The following CSRNP3 variants were observed in gnomAD, a reference collection of about 807,000 sequenced individuals.
CSRNP3 encodes the protein cysteine and serine rich nuclear protein 3.
A neutral mutation model predicts 48.0 loss-of-function variants in CSRNP3; 12 were observed. The ratio of observed to expected loss-of-function variants is 0.25; its 90% CI spans 0.16 to 0.41. The LOEUF is 0.41. Ranked by LOEUF, CSRNP3 falls within the 10% of genes least tolerant of loss-of-function variation. The pLI, the probability that CSRNP3 is intolerant of heterozygous loss-of-function variation, is 1.00. For missense variants in CSRNP3, 580 were observed against 724.4 expected, an observed-to-expected ratio of 0.80 and a Z score of 2.29; for synonymous variants, 263 against 269.7, an observed-to-expected ratio of 0.98 and a Z score of 0.24.
rs763933992 is a variant in CSRNP3 at position 165,657,836 on chromosome 2, T to A, written c.224T>A (p.Phe75Tyr). 6.2e-7 allele frequency: 1 copy of A among 1,614,046 alleles called. No homozygotes were observed. Reference protein sequence around the residue: ...VHFSCVTVYYFTRRQGFTSVP... With the variant: ...VHFSCVTVYYYTRRQGFTSVP... ...TTTAGTTGTGTCACCGTGTACTACT[T>A]CACCAGGAGGCAAGGCTTCACAAGT... The change falls in exon 5 of 7, where the codon TTC becomes TAC. Residue 75 changes from phenylalanine (F) to tyrosine (Y), a missense_variant. By Grantham distance (22) the Phe-to-Tyr change is conservative. This residue lies in a region of CSRNP3 where 83 missense variants were observed against 139.6 expected (regional missense o/e 0.59). Coordinates refer to ENST00000651982, the MANE Select transcript of CSRNP3 (RefSeq NM_001172173.2).
chr2:165,595,293 C>A, intron 4 of CSRNP3, 80 bp downstream of exon 4: 1 of 1,314,398 alleles, frequency 7.6e-7, no homozygotes. Context: ...TTTTACCTTT[C>A]ATGCTAGCTA....
intron 4 of CSRNP3, among the ~76,000 whole-genome samples, chr2:165,602,311 G>C (rs551443255): frequency 6.6e-6 from 1 of 152,256 alleles, no homozygotes; most frequent in East Asian, 1.9e-4. Flanking sequence ...AAGCAGCATA[G>C]ATAAAGGTGC....
chr2:165,629,636 T>C (rs534367222), intron 4 of CSRNP3, among the ~76,000 whole-genome samples: 1 of 152,214 alleles, frequency 6.6e-6, no homozygotes, highest in Admixed American at 6.5e-5. Context: ...AGAGGCAGAG[T>C]GAAATGTTTT....
chr2:165,646,511 A>C (rs1396347062), intron 4 of CSRNP3, among the ~76,000 whole-genome samples: 6 of 152,182 alleles, frequency 3.9e-5, no homozygotes, highest in Non-Finnish European at 8.8e-5. Flanking sequence ...GGTGGTATTG[A>C]GAAAATGTAA....
rs570448867 is a variant in CSRNP3, at chr2:165,660,358, T to C, written c.408+2338T>C. On this transcript the variant is annotated intron_variant, in intron 5 of 6. Coordinates refer to ENST00000651982, the MANE Select transcript of CSRNP3 (RefSeq NM_001172173.2). Reference sequence around the variant, plus strand: ...ATAAAAGAAGCACAGAGATGTTAAGTTGGCTCATCCAAATAGAAAATGGAT... The same window carrying C: ...ATAAAAGAAGCACAGAGATGTTAAGCTGGCTCATCCAAATAGAAAATGGAT... Among the ~76,000 whole-genome samples, 3 of 149,346 alleles carry C rather than the reference T, an allele frequency of 2.0e-5. No homozygotes were observed. The South Asian group carries it at 6.6e-4, about 33-fold the overall frequency.
At chr2:165,581,667 G>T (rs1040309537) in intron 3 of CSRNP3, among the ~76,000 whole-genome samples, 1 of 151,908 alleles carries the variant, frequency 6.6e-6, no homozygotes, top group African/African-American at 2.4e-5. Flanking sequence ...CTCCCGAGTA[G>T]CTGGGATTAC....
chr2:165,481,515 A>T (rs1336281635), intron 1 of CSRNP3, among the ~76,000 whole-genome samples: 2 of 152,136 alleles, frequency 1.3e-5, no homozygotes, highest in East Asian at 1.9e-4. Flanking sequence ...GGCATCCTCA[A>T]CAGGAAGACT....
intron 6 of CSRNP3, 41 bp from the exon 7 acceptor site, chr2:165,678,660 G>C: frequency 6.3e-7 from 1 of 1,580,546 alleles, no homozygotes; most frequent in Non-Finnish European, 8.6e-7. Flanking sequence ...TATTTGGTTT[G>C]TAATAGTTCC....
intron 3 of CSRNP3, among the ~76,000 whole-genome samples, chr2:165,533,541 A>G (rs1238636358): frequency 1.3e-5 from 2 of 152,108 alleles, no homozygotes; most frequent in Non-Finnish European, 2.9e-5. Flanking sequence ...TGAAACTTCC[A>G]GAGGTTTATT....
At chr2:165,644,495 T>A (rs1265372907) in intron 4 of CSRNP3, among the ~76,000 whole-genome samples, 3 of 152,152 alleles carry the variant, frequency 2.0e-5, no homozygotes. Flanking sequence ...TAAACCAACA[T>A]ATATAAGTGA....
intron 4 of CSRNP3, among the ~76,000 whole-genome samples, chr2:165,634,023 T>C (rs1012571803): frequency 2.0e-5 from 3 of 152,336 alleles, no homozygotes; most frequent in South Asian, 2.1e-4. Context: ...TACAAATATT[T>C]ATTCATAGAC....
chr2:165,500,420 TACACACAC>T (rs60600698), intron 2 of CSRNP3, among the ~76,000 whole-genome samples: 6 of 142,408 alleles, frequency 4.2e-5, no homozygotes, highest in African/African-American at 1.3e-4. Context: ...CATATATATA[TACACACAC>T]ACACACACAC....
chr2:165,514,409 C>T (rs1367469282), intron 2 of CSRNP3, among the ~76,000 whole-genome samples: 3 of 152,214 alleles, frequency 2.0e-5, no homozygotes, highest in Non-Finnish European at 4.4e-5. Flanking sequence ...AGTAGCTGCC[C>T]CTTAATCTTC....
chr2:165,685,169 C>A lies in CSRNP3; in HGVS notation c.*5416C>A, dbSNP rs1034840157. 2 of 152,062 alleles carry A rather than the reference C, an allele frequency of 1.3e-5. No individual in the cohort carries two copies. The highest frequency in any genetic ancestry group is 2.9e-5 in the Non-Finnish European group (2 of 67,980). 9.4% of individuals were successfully genotyped at this position (152,062 alleles called of 1,614,324 possible). A position where few individuals can be genotyped will look rare whatever the true frequency, so the allele number is the denominator to read the frequency against. ...AAAAGTGCAGACATTTAAAAAAGCT[C>A]TTCTTTCACATTTTACCTACCAAAT... is the stretch of plus-strand genomic sequence containing the variant. On this transcript the variant is annotated 3_prime_UTR_variant, in exon 7 of 7. Transcript: ENST00000651982.
chr2:165,679,340 C>A lies in CSRNP3; in HGVS notation c.1345C>A (p.Gln449Lys), dbSNP rs777078978. ...TAGCCACATTCCAGGAACTCCAAAT[C>A]AGATCTCTGAGAACTATTCTGAAAG... ...IDSHIPGTPNQISENYSERDT... is the reference protein window; with the variant it reads ...IDSHIPGTPNKISENYSERDT... Residue 449 changes from glutamine to lysine, a missense_variant, in exon 7 of 7, where the codon CAG becomes AAG. Physicochemically the swap from Gln to Lys is moderately conservative, Grantham distance 53. Transcript: ENST00000651982. 6.2e-7 allele frequency: 1 copy of A among 1,613,598 alleles called. No individual in the cohort carries two copies. The highest frequency in any genetic ancestry group is 8.5e-7 in the Non-Finnish European group (1 of 1,179,906).
chr2:165,539,563 T>C (rs1427224229), intron 3 of CSRNP3, among the ~76,000 whole-genome samples: 1 of 152,100 alleles, frequency 6.6e-6, no homozygotes, highest in Non-Finnish European at 1.5e-5. Context: ...GTCTGTTCCA[T>C]AATTTACAGT....
At chr2:165,524,531 CAG>C (rs1413226020) in intron 3 of CSRNP3, among the ~76,000 whole-genome samples, 6 of 152,086 alleles carry the variant, frequency 3.9e-5, no homozygotes, top group African/African-American at 1.4e-4. Context: ...GACAGTTGTA[CAG>C]AGTCATGTAA....
At chr2:165,609,357 G>A (rs989830841) in intron 4 of CSRNP3, among the ~76,000 whole-genome samples, 19 of 150,628 alleles carry the variant, frequency 1.3e-4, no homozygotes, top group Admixed American at 4.0e-4. Flanking sequence ...TACTCGGGAG[G>A]CTGAGGCAGG....
chr2:165,685,581 C>A lies in CSRNP3; in HGVS notation c.*5828C>A, dbSNP rs149710919. ...CCTGGAATTTTAGTAAATACAGATACTTGTTGTATCCATGGGAAATGAGGT... is the reference window on the plus strand; with the variant it reads ...CCTGGAATTTTAGTAAATACAGATAATTGTTGTATCCATGGGAAATGAGGT... On this transcript the variant is annotated 3_prime_UTR_variant, in exon 7 of 7. Transcript: ENST00000651982. 3 of 152,082 alleles carry A rather than the reference C, an allele frequency of 2.0e-5. No individual in the cohort carries two copies. The highest frequency in any genetic ancestry group is 7.2e-5 in the African/African-American group (3 of 41,442). 9.4% of individuals were successfully genotyped at this position (152,082 alleles called of 1,614,324 possible).
Sources: gnomAD v4.1 joint callset for allele counts (sites outside exome capture counted in the v4.1 genomes callset) on GRCh38, gnomAD v4.1.1 for gene constraint, gnomAD v4.1.1 regional missense constraint, MANE v1.5 for transcripts, NCBI Gene and HGNC (gene_info 2026-07-23, HGNC 2026-07-21) for gene names.